Variants in UGT8 observed in about 807,000 individuals in gnomAD.
UGT8 encodes the protein 2-hydroxyacylsphingosine 1-beta-galactosyltransferase.
In UGT8, 12 loss-of-function variants were observed where a neutral mutation model predicts 40.5. That is an observed-to-expected ratio of 0.30 (90% CI 0.19 to 0.48). The LOEUF (loss-of-function observed/expected upper bound fraction) is 0.48. UGT8 is among the 20% of genes least tolerant of loss of function. The pLI is 0.99. For synonymous variants in UGT8, 224 were observed against 240.4 expected (o/e 0.93, Z 0.63); for missense variants, 513 against 648.7 (o/e 0.79, Z 2.27).
In UGT8 at chr4:114,614,872, A is replaced by G. The variant is rs189486098; in HGVS notation, c.-2-8007A>G. ...TTTTTTTTTTTTTTGGGCAGGTGGAAGTTTTAACCAACAACAGGTGGCCTC... is the reference window on the plus strand; with the variant it reads ...TTTTTTTTTTTTTTGGGCAGGTGGAGGTTTTAACCAACAACAGGTGGCCTC... On this transcript the variant is annotated intron_variant, in intron 1 of 5. Coordinates refer to ENST00000310836, the MANE Select transcript of UGT8 (RefSeq NM_001128174.3). Among the ~76,000 whole-genome samples, 5 of 145,230 alleles carry G rather than the reference A, an allele frequency of 3.4e-5. No individual in the cohort carries two copies. The East Asian group carries it at 1.0e-3, about 29-fold the overall frequency.
At chr4:114,629,797 C>T (rs1022934520) in intron 2 of UGT8, among the ~76,000 whole-genome samples, 3 of 152,082 alleles carry the variant, frequency 2.0e-5, no homozygotes, top group East Asian at 1.9e-4. Context: ...AATATATGAA[C>T]GGAATCAAAC....
intron 1 of UGT8, among the ~76,000 whole-genome samples, chr4:114,616,487 G>A (rs1731442160): frequency 6.6e-6 from 1 of 152,148 alleles, no homozygotes; most frequent in South Asian, 2.1e-4. Flanking sequence ...GATTTTCCAG[G>A]TGCCTTCTGT....
In UGT8 at chr4:114,636,184, C is replaced by T. The variant is rs191479109; in HGVS notation, c.822+12482C>T. Among the ~76,000 whole-genome samples, 292 of 152,242 alleles carry T rather than the reference C, an allele frequency of 1.9e-3. 1 individual carries two copies. The highest frequency in any genetic ancestry group is 6.9e-3 in the African/African-American group (286 of 41,544). On this transcript the variant is annotated intron_variant, in intron 2 of 5. Transcript: ENST00000310836. The stretch of plus-strand genomic sequence containing the variant: ...TTTTTAACAGAAATGTCAAATAATA[C>T]ATAGATACAAGCTTTATTCACATAT...
intron 2 of UGT8, among the ~76,000 whole-genome samples, chr4:114,626,109 G>C (rs1490329018): frequency 6.6e-6 from 1 of 152,144 alleles, no homozygotes; most frequent in Non-Finnish European, 1.5e-5. Flanking sequence ...GTTATTTATA[G>C]TTTTTGAGCA....
chr4:114,601,475 A>T (rs1443240381), intron 1 of UGT8, among the ~76,000 whole-genome samples: 1 of 152,014 alleles, frequency 6.6e-6, no homozygotes, highest in Non-Finnish European at 1.5e-5. Flanking sequence ...GAGAACTTTG[A>T]TTATTTATGC....
At chr4:114,669,903 A>T (rs746967699) in intron 5 of UGT8, among the ~76,000 whole-genome samples, 3 of 152,234 alleles carry the variant, frequency 2.0e-5, no homozygotes, top group Non-Finnish European at 2.9e-5. Flanking sequence ...GCTAAAAGTC[A>T]TTATATAAAC....
intron 1 of UGT8, among the ~76,000 whole-genome samples, chr4:114,615,406 A>C (rs1371436550): frequency 6.6e-6 from 1 of 152,166 alleles, no homozygotes; most frequent in African/African-American, 2.4e-5. Context: ...CCGTGTGCCC[A>C]AGACTTTCCT....
intron 1 of UGT8, among the ~76,000 whole-genome samples, chr4:114,615,012 A>C (rs1004808011): frequency 6.6e-6 from 1 of 152,150 alleles, no homozygotes. Flanking sequence ...TAAATAACTT[A>C]AGATTACCAA....
chr4:114,664,090 C>T lies in UGT8; in HGVS notation c.918C>T (p.Asn306=), dbSNP rs140956924. The change falls in exon 3 of 6, where the codon AAC becomes AAT. Residue 306 remains asparagine (N), a synonymous_variant. Transcript: ENST00000310836. Reference sequence around the variant, plus strand: ...AGTATCTGTCAGAAGACATTGCTAACAAACTGGCAGGAGCTCTGGGGAGAT... The same window carrying T: ...AGTATCTGTCAGAAGACATTGCTAATAAACTGGCAGGAGCTCTGGGGAGAT... The part of the protein sequence containing the change: ...GVKYLSEDIA[N]KLAGALGRLP... 31 of 1,613,984 alleles carry T rather than the reference C, an allele frequency of 1.9e-5. No homozygotes were observed. The African/African-American group carries it at 3.5e-4, about 18-fold the overall frequency.
At chr4:114,628,894 T>C (rs1337644903) in intron 2 of UGT8, among the ~76,000 whole-genome samples, 4 of 150,942 alleles carry the variant, frequency 2.7e-5, no homozygotes, top group Admixed American at 6.6e-5. Flanking sequence ...AGTTATTAGA[T>C]TAGCCACTTG....
intron 2 of UGT8, among the ~76,000 whole-genome samples, chr4:114,638,120 A>G (rs1158873461): frequency 6.6e-5 from 10 of 152,184 alleles, no homozygotes; most frequent in Admixed American, 5.9e-4. Flanking sequence ...CCCTTTTATC[A>G]TTATGATCAG....
intron 2 of UGT8, among the ~76,000 whole-genome samples, chr4:114,627,322 G>A (rs973767196): frequency 6.9e-6 from 1 of 144,500 alleles, no homozygotes; most frequent in East Asian, 2.1e-4. Context: ...GCAGTGGCAT[G>A]ATCTCAGCTC....
intron 4 of UGT8, among the ~76,000 whole-genome samples, 187 bp downstream of exon 4, chr4:114,665,943 T>A (rs1197137263): frequency 6.6e-6 from 1 of 152,144 alleles, no homozygotes; most frequent in East Asian, 1.9e-4. Flanking sequence ...TAAGTCTTTA[T>A]TTATTGGAAA....
At chr4:114,631,402 G>A (rs1028451669) in intron 2 of UGT8, among the ~76,000 whole-genome samples, 8 of 152,198 alleles carry the variant, frequency 5.3e-5, no homozygotes, top group Non-Finnish European at 1.0e-4. Flanking sequence ...CAGGAGAATC[G>A]CTTGAACCCG....
At chr4:114,643,626 T>G (rs1340875739) in intron 2 of UGT8, among the ~76,000 whole-genome samples, 2 of 152,184 alleles carry the variant, frequency 1.3e-5, no homozygotes, top group African/African-American at 4.8e-5. Context: ...TTTGGCATTA[T>G]GCACAGTAGG....
At chr4:114,617,123 A>G (rs9685301) in intron 1 of UGT8, among the ~76,000 whole-genome samples, 150,296 of 152,214 alleles carry the variant, frequency 0.99, 74,230 homozygotes, top group Middle Eastern at 1. Flanking sequence ...GCACGGTGGT[A>G]TGTGCCTGTA....
chr4:114,626,495 A>G (rs1732230589), intron 2 of UGT8, among the ~76,000 whole-genome samples: 1 of 152,250 alleles, frequency 6.6e-6, no homozygotes, highest in South Asian at 2.1e-4. Context: ...GAGAAAATTT[A>G]TAAAGGACAT....
intron 5 of UGT8, among the ~76,000 whole-genome samples, chr4:114,668,608 A>C (rs1290471690): frequency 6.6e-6 from 1 of 152,238 alleles, no homozygotes; most frequent in Non-Finnish European, 1.5e-5. Flanking sequence ...TTTCATTTTC[A>C]TACTTATAAC....
rs1731834370 is a variant in UGT8 at position 114,622,065 on chromosome 4, T to C, written c.-2-814T>C. Among the ~76,000 whole-genome samples the C allele has an allele frequency of 2.0e-5, 3 of 151,894 alleles. No individual in the cohort carries two copies. In the South Asian group the frequency reaches 6.3e-4, roughly 32 times the overall value. Reference sequence around the variant, plus strand: ...GTGTGCTGCGCCCACTAACTTGTCATCTAGCATTAGGTATATATCCCAATG... The same window carrying C: ...GTGTGCTGCGCCCACTAACTTGTCACCTAGCATTAGGTATATATCCCAATG... On this transcript the variant is annotated intron_variant, in intron 1 of 5. Coordinates refer to ENST00000310836, the MANE Select transcript of UGT8 (RefSeq NM_001128174.3).
Sources: allele counts gnomAD v4.1 joint callset (sites outside exome capture counted in the v4.1 genomes callset), GRCh38; gene constraint gnomAD v4.1.1; transcripts MANE v1.5; gene names NCBI Gene and HGNC (gene_info 2026-07-23, HGNC 2026-07-21).